PTPRT: variants seen among roughly 807,000 people sequenced by gnomAD.
PTPRT encodes receptor-type tyrosine-protein phosphatase T.
PTPRT carries 56 observed loss-of-function variants against 176.8 expected under a neutral mutation model. The ratio of observed to expected loss-of-function variants is 0.32; its 90% CI spans 0.26 to 0.40. PTPRT has a LOEUF of 0.40. Among genes scored for constraint, PTPRT ranks in the 10% least tolerant of loss-of-function variants. The pLI is 1.00. For synonymous variants in PTPRT, 783 were observed against 739.0 expected (o/e 1.06, Z -0.96); for missense variants, 1,540 against 1,908.2 (o/e 0.81, Z 3.60).
rs114924551 is a variant in PTPRT at position 43,098,709 on chromosome 20, C to T, written c.88+90937G>A. 1.4e-3 allele frequency among the ~76,000 whole-genome samples: 215 copies of T among 152,116 alleles called. 1 individual carries two copies. Among genetic ancestry groups the T allele is most frequent in the African/African-American group, 4.8e-3 (200 of 41,500 alleles). On this transcript the variant is annotated intron_variant, in intron 1 of 30. Coordinates refer to ENST00000373187, the MANE Select transcript of PTPRT (RefSeq NM_007050.6). ...ATGGTTTGAAGCAAACCAAATTATA[C>T]GTTAAAGCAAAAAATTACCTCCAGA...
At chr20:42,986,244 T>C (rs1983571319) in intron 1 of PTPRT, among the ~76,000 whole-genome samples, 1 of 152,222 alleles carries the variant, frequency 6.6e-6, no homozygotes, top group Non-Finnish European at 1.5e-5. Flanking sequence ...TTTTCTTCTG[T>C]ACCAGAATCA....
At chr20:42,892,990 C>T (rs746596801) in intron 1 of PTPRT, among the ~76,000 whole-genome samples, 1 of 151,982 alleles carries the variant, frequency 6.6e-6, no homozygotes, top group Non-Finnish European at 1.5e-5. Context: ...CACGGTGAAC[C>T]CAGGGGAGGC....
chr20:42,068,842 C>G (rs567521587), downstream of PTPRT, among the ~76,000 whole-genome samples: 4 of 152,334 alleles, frequency 2.6e-5, no homozygotes, highest in South Asian at 8.3e-4. Context: ...GGGATGGAGT[C>G]AGTCCTCATT....
At chr20:42,177,812 G>T (rs1396069043) in intron 16 of PTPRT, among the ~76,000 whole-genome samples, 1 of 151,904 alleles carries the variant, frequency 6.6e-6, no homozygotes, top group Non-Finnish European at 1.5e-5. Flanking sequence ...ACATGGTAAA[G>T]ATCTTTCTGT....
chr20:42,346,982 C>T (rs989214831), intron 11 of PTPRT, among the ~76,000 whole-genome samples: 1 of 152,144 alleles, frequency 6.6e-6, no homozygotes, highest in Non-Finnish European at 1.5e-5. Context: ...ACAAAAGGGC[C>T]ACCCGGTCAT....
chr20:42,571,825 C>T (rs2073160030), intron 7 of PTPRT, among the ~76,000 whole-genome samples: 1 of 152,148 alleles, frequency 6.6e-6, no homozygotes, highest in Admixed American at 6.5e-5. Flanking sequence ...AAGCCATGCC[C>T]TCACCTCCCC....
At chr20:42,671,926 G>A (rs2075419690) in intron 7 of PTPRT, among the ~76,000 whole-genome samples, 1 of 152,200 alleles carries the variant, frequency 6.6e-6, no homozygotes, top group African/African-American at 2.4e-5. Context: ...AGTCCGCATG[G>A]AAGAGGCAGT....
At chr20:42,049,099 C>T in the PTPRT span, among the ~76,000 whole-genome samples, 1 of 152,172 alleles carries the variant, frequency 6.6e-6, no homozygotes, top group Non-Finnish European at 1.5e-5. Flanking sequence ...GGATTAGAGG[C>T]GCATACCACT....
intron 7 of PTPRT, among the ~76,000 whole-genome samples, chr20:42,588,916 G>C (rs2073519273): frequency 6.6e-6 from 1 of 152,174 alleles, no homozygotes; most frequent in African/African-American, 2.4e-5. Flanking sequence ...TGGCACAACT[G>C]AGGCACCAAG....
chr20:42,467,722 T>C (rs1440663646), intron 8 of PTPRT, among the ~76,000 whole-genome samples: 2 of 152,046 alleles, frequency 1.3e-5, no homozygotes, highest in African/African-American at 4.8e-5. Flanking sequence ...TCACCTATCA[T>C]GTAGATATAA....
intron 2 of PTPRT, among the ~76,000 whole-genome samples, chr20:42,810,304 AAAAAT>A (rs749560742): frequency 6.6e-6 from 1 of 152,142 alleles, no homozygotes; most frequent in African/African-American, 2.4e-5. Flanking sequence ...CCATCAACCA[AAAAAT>A]AAAATAAAAT....
intron 2 of PTPRT, among the ~76,000 whole-genome samples, chr20:42,810,617 TA>T (rs1569169162): frequency 6.6e-6 from 1 of 152,246 alleles, no homozygotes; most frequent in African/African-American, 2.4e-5. Context: ...ACCTGGTGTC[TA>T]TAGTCCTTCA....
intron 13 of PTPRT, 22 bp downstream of exon 13, chr20:42,282,467 A>G: frequency 6.2e-7 from 1 of 1,605,948 alleles, no homozygotes; most frequent in South Asian, 1.1e-5. Context: ...AGGTGAAGAC[A>G]GACAAGCAGA....
intron 15 of PTPRT, among the ~76,000 whole-genome samples, chr20:42,224,900 T>A (rs2055970102): frequency 6.6e-6 from 1 of 152,158 alleles, no homozygotes; most frequent in African/African-American, 2.4e-5. Flanking sequence ...CACATCTCAA[T>A]AAACAAGCCT....
At chr20:42,166,917 A>G (rs1989848882) in intron 16 of PTPRT, among the ~76,000 whole-genome samples, 1 of 149,706 alleles carries the variant, frequency 6.7e-6, no homozygotes. Context: ...GCAAGACTCC[A>G]TCTTAGAAAA....
At chr20:42,742,546 G>A (rs2076627037) in intron 6 of PTPRT, among the ~76,000 whole-genome samples, 1 of 152,130 alleles carries the variant, frequency 6.6e-6, no homozygotes, top group East Asian at 1.9e-4. Context: ...AGCAGGAGGG[G>A]AAAAAGAGAG....
chr20:43,151,237 C>T (rs990008995), intron 1 of PTPRT, among the ~76,000 whole-genome samples: 3 of 147,754 alleles, frequency 2.0e-5, no homozygotes, highest in Non-Finnish European at 3.0e-5. Flanking sequence ...ACCCGGGAGG[C>T]GGAGGTTGCG....
intron 15 of PTPRT, among the ~76,000 whole-genome samples, chr20:42,218,322 G>A (rs758450447): frequency 7.9e-5 from 12 of 152,174 alleles, no homozygotes; most frequent in East Asian, 1.9e-4. Context: ...ATCTATGTGC[G>A]GATGGCTCAT....
intron 13 of PTPRT, among the ~76,000 whole-genome samples, chr20:42,282,197 A>C (rs747986390): frequency 4.6e-5 from 7 of 152,148 alleles, no homozygotes; most frequent in Non-Finnish European, 1.0e-4. Flanking sequence ...AGAATATTTG[A>C]GTAAATTTAT....
Sources: allele counts gnomAD v4.1 joint callset (sites outside exome capture counted in the v4.1 genomes callset), GRCh38; gene constraint gnomAD v4.1.1; transcripts MANE v1.5; gene names NCBI Gene and HGNC (gene_info 2026-07-23, HGNC 2026-07-21).